UST: variants seen among roughly 807,000 people sequenced by gnomAD.
UST encodes the protein chondroitin sulfate 2-O-sulfotransferase.
UST carries 21 observed loss-of-function variants against 45.6 expected under a neutral mutation model. The observed-to-expected ratio is 0.46, with a 90% CI of 0.33 to 0.66. The LOEUF is 0.66. Among genes scored for constraint, UST ranks in the 30% least tolerant of loss-of-function variants. The pLI is 0.02. For synonymous variants in UST, 215 were observed against 200.6 expected (o/e 1.07, Z -0.61); for missense variants, 463 against 512.4 (o/e 0.90, Z 0.93).
rs542538575 is a variant in UST, at chr6:148,959,184, C to G, written c.528-5226C>G. 9.3e-4 allele frequency: 141 copies of G among 152,370 alleles called. 1 individual carries two copies. The highest frequency in any genetic ancestry group is 3.2e-3 in the African/African-American group (133 of 41,586). The allele number at this position is 152,370 out of a possible 1,614,324, so 9.4% of individuals were successfully genotyped here. ...ATTACTGATGTGAACAGTGTTTCTT[C>G]TATCAACTTTTGTGAACAAACTCTG... On this transcript the variant is annotated intron_variant, in intron 4 of 7. Transcript: ENST00000367463.
intron 5 of UST, among the ~76,000 whole-genome samples, chr6:148,987,096 AT>A (rs10707831): frequency 0.35 from 52,584 of 152,102 alleles, 9,751 homozygotes; most frequent in Non-Finnish European, 0.42. Context: ...CAAGATGACC[AT>A]TTAAGAGAAC....
At chr6:148,930,676 A>C (rs1035215441) in intron 2 of UST, among the ~76,000 whole-genome samples, 1 of 152,176 alleles carries the variant, frequency 6.6e-6, no homozygotes, top group Non-Finnish European at 1.5e-5. Flanking sequence ...TAATGGCCAA[A>C]GCAAGTCATG....
At chr6:148,941,226 CTAAG>C (rs1780119276) in intron 2 of UST, 49 bp from the exon 3 acceptor site, 9 of 1,596,558 alleles carry the variant, frequency 5.6e-6, no homozygotes, top group Non-Finnish European at 7.7e-6. Flanking sequence ...GGGAAGAATC[CTAAG>C]TATTTCCATA....
intron 1 of UST, among the ~76,000 whole-genome samples, chr6:148,865,630 G>A (rs1473204712): frequency 1.3e-5 from 2 of 151,140 alleles, no homozygotes; most frequent in African/African-American, 2.4e-5. Context: ...TTAGCATCCA[G>A]GTCCGGCATT....
In UST at chr6:148,749,803, T is replaced by C. The variant is rs190452947; in HGVS notation, c.247+2126T>C. Among the ~76,000 whole-genome samples, 433 of 152,342 alleles carry C rather than the reference T, an allele frequency of 2.8e-3. 1 individual carries two copies. Among genetic ancestry groups the C allele is most frequent in the African/African-American group, 9.9e-3 (410 of 41,580 alleles). ...CAGGAAACTAGGAAGAACTGAAAGA[T>C]TGAATGCTGCTCCTGTTACTAGCTG... On this transcript the variant is annotated intron_variant, in intron 1 of 7. Coordinates refer to ENST00000367463, the MANE Select transcript of UST (RefSeq NM_005715.3).
chr6:148,863,504 C>A (rs1482080323), intron 1 of UST, among the ~76,000 whole-genome samples: 1 of 152,252 alleles, frequency 6.6e-6, no homozygotes, highest in African/African-American at 2.4e-5. Flanking sequence ...CTTCTCTCAA[C>A]TCGCCAAAGT....
At position 148,747,675 on chromosome 6, in the gene UST, T is replaced by TCCTTCCA; in HGVS notation, c.245_246insCCTTCCA (p.Leu82PhefsTer11). The TCCTTCCA allele has an allele frequency of 6.3e-7, 1 of 1,597,132 alleles. No individual in the cohort carries two copies. Among genetic ancestry groups the TCCTTCCA allele is most frequent in the Non-Finnish European group, 8.5e-7 (1 of 1,173,212 alleles). ...TTCCTGCTCGACCTGCGGCAGTACT[T>TCCTTCCA]GGGTAAGGAAGCTGGGCAGGCGCTA... is the stretch of plus-strand genomic sequence containing the variant. On this transcript the variant is annotated frameshift_variant and splice_region_variant, in exon 1 of 8. Transcript: ENST00000367463. LOFTEE classifies it high-confidence loss of function.
At chr6:148,970,673 C>T (rs6900115) in intron 5 of UST, among the ~76,000 whole-genome samples, 2,195 of 152,264 alleles carry the variant, frequency 0.014, 37 homozygotes, top group African/African-American at 0.038. Flanking sequence ...CTAAGCCACA[C>T]GGAAACCAGA....
intron 1 of UST, among the ~76,000 whole-genome samples, chr6:148,809,196 A>C (rs1293651519): frequency 6.6e-6 from 1 of 152,246 alleles, no homozygotes; most frequent in African/African-American, 2.4e-5. Flanking sequence ...AGAGTTTCTC[A>C]GGGGAGTTCA....
chr6:148,951,380 C>T (rs1342833736), intron 3 of UST, among the ~76,000 whole-genome samples: 1 of 152,194 alleles, frequency 6.6e-6, no homozygotes, highest in African/African-American at 2.4e-5. Context: ...ACATATTCCA[C>T]TGTCTTCTTC....
At chr6:148,911,421 G>A in intron 2 of UST, among the ~76,000 whole-genome samples, 1 of 152,184 alleles carries the variant, frequency 6.6e-6, no homozygotes, top group East Asian at 1.9e-4. Flanking sequence ...GACCCAAACA[G>A]CTTCTGAAAT....
intron 1 of UST, among the ~76,000 whole-genome samples, chr6:148,802,308 T>C (rs1419471821): frequency 6.6e-6 from 1 of 152,250 alleles, no homozygotes; most frequent in Non-Finnish European, 1.5e-5. Flanking sequence ...ATGAATTACT[T>C]TGAAAGTTTA....
Position 148,796,623 on chromosome 6 carries a change from C to CAAAAAA in UST, c.247+48965_247+48970dup, listed in dbSNP as rs11465084. 2.4e-3 allele frequency among the ~76,000 whole-genome samples: 211 copies of CAAAAAA among 88,812 alleles called. 3 individuals are homozygous for CAAAAAA. Among genetic ancestry groups the CAAAAAA allele is most frequent in the Non-Finnish European group, 3.4e-3 (160 of 46,868 alleles). 58.3% of individuals were successfully genotyped at this position (88,812 alleles called of 152,430 possible). A position where few individuals can be genotyped will look rare whatever the true frequency, so the allele number is the denominator to read the frequency against. ...TGGACGACAGGGCAAGACTCTGTCT[C>CAAAAAA]AAAAAAAAAAAAAAAAAAAAAAAAG... is the stretch of plus-strand genomic sequence containing the variant. On this transcript the variant is annotated intron_variant, in intron 1 of 7. Coordinates refer to ENST00000367463, the MANE Select transcript of UST (RefSeq NM_005715.3).
At position 148,748,248 on chromosome 6, in the gene UST, C is replaced by G. The variant is rs1469849316; in HGVS notation, c.247+571C>G. On this transcript the variant is annotated intron_variant, in intron 1 of 7. Coordinates refer to ENST00000367463, the MANE Select transcript of UST (RefSeq NM_005715.3). The surrounding 1 kb of genome is among the most constrained non-coding windows in gnomAD (Gnocchi z 5.3). Reference sequence around the variant, plus strand: ...CTTGTCCCTTGGCTGCCGCTGCCCACCCCGCCGCCCGCAGCTAGCCTGGCG... The same window carrying G: ...CTTGTCCCTTGGCTGCCGCTGCCCAGCCCGCCGCCCGCAGCTAGCCTGGCG... Among the ~76,000 whole-genome samples, 1 of 152,060 alleles carries G rather than the reference C, an allele frequency of 6.6e-6. No homozygotes were observed. The highest frequency in any genetic ancestry group is 2.4e-5 in the African/African-American group (1 of 41,408).
intron 5 of UST, among the ~76,000 whole-genome samples, chr6:149,015,796 G>C (rs1775888047): frequency 6.6e-6 from 1 of 152,082 alleles, no homozygotes; most frequent in African/African-American, 2.4e-5. Context: ...TGAACACCAG[G>C]GCAACCAAAT....
intron 5 of UST, among the ~76,000 whole-genome samples, chr6:148,993,367 T>C (rs1781390115): frequency 7.6e-6 from 1 of 131,246 alleles, no homozygotes; most frequent in African/African-American, 2.7e-5. Context: ...AAAAGTTTGG[T>C]TACTCTTTTT....
intron 1 of UST, among the ~76,000 whole-genome samples, chr6:148,876,981 T>C: frequency 1.6e-5 from 1 of 60,644 alleles, no homozygotes; most frequent in Non-Finnish European, 2.9e-5. Context: ...GGATCATGTA[T>C]GAGTGTGGGG....
In UST at chr6:148,754,285, C is replaced by T. The variant is rs140403830; in HGVS notation, c.247+6608C>T. Among the ~76,000 whole-genome samples the T allele has an allele frequency of 1.8e-3, 267 of 152,252 alleles. 1 individual carries two copies. Among genetic ancestry groups the T allele is most frequent in the African/African-American group, 6.1e-3 (253 of 41,538 alleles). ...TGCTGGGATTACAGGCATGAGCCAC[C>T]GCGCCCGGCCACTGATTTTCTTTAA... On this transcript the variant is annotated intron_variant, in intron 1 of 7. Coordinates refer to ENST00000367463, the MANE Select transcript of UST (RefSeq NM_005715.3).
intron 1 of UST, among the ~76,000 whole-genome samples, chr6:148,837,309 T>A (rs1436169780): frequency 1.3e-5 from 2 of 152,176 alleles, no homozygotes; most frequent in East Asian, 3.8e-4. Flanking sequence ...CCTCACCCCT[T>A]CCTGGGACAA....
Sources: gnomAD v4.1 joint callset for allele counts (sites outside exome capture counted in the v4.1 genomes callset) on GRCh38, gnomAD v4.1.1 for gene constraint, Gnocchi (gnomAD v3.1) non-coding constraint, MANE v1.5 for transcripts, NCBI Gene and HGNC (gene_info 2026-07-23, HGNC 2026-07-21) for gene names.